CDK19: variants seen among roughly 807,000 people sequenced by gnomAD.
CDK19 encodes the protein cyclin-dependent kinase 19.
CDK19 carries 20 observed loss-of-function variants against 68.3 expected under a neutral mutation model. That is an observed-to-expected ratio of 0.29 (90% CI 0.21 to 0.43). The LOEUF (loss-of-function observed/expected upper bound fraction) is 0.43. CDK19 is among the 20% of genes least tolerant of loss of function. The pLI, the probability that CDK19 is intolerant of heterozygous loss-of-function variation, is 1.00. For missense variants in CDK19, 339 were observed against 623.5 expected, an observed-to-expected ratio of 0.54 and a Z score of 4.86; for synonymous variants, 221 against 222.8, an observed-to-expected ratio of 0.99 and a Z score of 0.07.
In CDK19 at chr6:110,610,641, T is replaced by G. The variant is rs1243539329; in HGVS notation, c.*3894A>C. 1 of 152,170 alleles carries G rather than the reference T, an allele frequency of 6.6e-6. No individual in the cohort carries two copies. The highest frequency in any genetic ancestry group is 1.5e-5 in the Non-Finnish European group (1 of 68,024). 9.4% of individuals were successfully genotyped at this position (152,170 alleles called of 1,614,324 possible). ...GATTATGGGGACCTAAACTGCTATG[T>G]TTTATACAAAATATTACTTGTACTT... On this transcript the variant is annotated 3_prime_UTR_variant, in exon 13 of 13. Transcript: ENST00000368911.
At chr6:110,654,819 T>G (rs1305263875) in intron 4 of CDK19, among the ~76,000 whole-genome samples, 3 of 152,042 alleles carry the variant, frequency 2.0e-5, no homozygotes, top group African/African-American at 2.4e-5. Flanking sequence ...CGCATGCCTG[T>G]AATCCCAGCT....
intron 2 of CDK19, among the ~76,000 whole-genome samples, chr6:110,683,701 C>CTTTT (rs200335188): frequency 3.9e-5 from 5 of 127,384 alleles, no homozygotes; most frequent in South Asian, 5.3e-4. Flanking sequence ...AGTATTTAAT[C>CTTTT]TTTTTTTTTT....
rs1266233923 is a variant in CDK19, at chr6:110,610,746, T to G, written c.*3789A>C. ...CCTAGGAAGACATCATCATAGAGTT[T>G]TGGATTTGTAATTTCCATAGAATTC... On this transcript the variant is annotated 3_prime_UTR_variant, in exon 13 of 13. Coordinates refer to ENST00000368911, the MANE Select transcript of CDK19 (RefSeq NM_015076.5). 6.6e-6 allele frequency: 1 copy of G among 152,224 alleles called. No individual in the cohort carries two copies. Among genetic ancestry groups the G allele is most frequent in the Non-Finnish European group, 1.5e-5 (1 of 68,040 alleles). 9.4% of individuals were successfully genotyped at this position (152,224 alleles called of 1,614,324 possible). A position where few individuals can be genotyped will look rare whatever the true frequency, so the allele number is the denominator to read the frequency against.
At chr6:110,692,617 C>T (rs1773105403) in intron 2 of CDK19, among the ~76,000 whole-genome samples, 1 of 152,038 alleles carries the variant, frequency 6.6e-6, no homozygotes, top group Non-Finnish European at 1.5e-5. Context: ...TTTAGATATA[C>T]AAATATAAGA....
intron 2 of CDK19, among the ~76,000 whole-genome samples, chr6:110,745,243 GAATT>G (rs1351806826): frequency 2.0e-5 from 3 of 151,974 alleles, no homozygotes; most frequent in Non-Finnish European, 4.4e-5. Context: ...AAAATTAAGT[GAATT>G]AATACTTGAA....
At chr6:110,814,409 C>A (rs1259633692) in intron 1 of CDK19, among the ~76,000 whole-genome samples, 1 of 152,254 alleles carries the variant, frequency 6.6e-6, no homozygotes, top group Non-Finnish European at 1.5e-5. Context: ...GCCGGGCATA[C>A]AACAGGGATG....
chr6:110,741,065 G>A (rs1351236110), intron 2 of CDK19, among the ~76,000 whole-genome samples: 1 of 152,170 alleles, frequency 6.6e-6, no homozygotes, highest in Admixed American at 6.6e-5. Context: ...GCCTTGGAGA[G>A]AGATCCATGG....
At chr6:110,737,405 A>T (rs541479168) in intron 2 of CDK19, among the ~76,000 whole-genome samples, 2 of 152,350 alleles carry the variant, frequency 1.3e-5, no homozygotes, top group Admixed American at 1.3e-4. Context: ...TCACCTTCTG[A>T]CAATACAAAA....
At chr6:110,701,916 G>A (rs1359127715) in intron 2 of CDK19, among the ~76,000 whole-genome samples, 1 of 152,122 alleles carries the variant, frequency 6.6e-6, no homozygotes, top group Non-Finnish European at 1.5e-5. Flanking sequence ...GCCGGGGCAG[G>A]TGGATCACAA....
At chr6:110,814,799 C>T (rs1212892067) in intron 1 of CDK19, 2 of 693,734 alleles carry the variant, frequency 2.9e-6, no homozygotes, top group South Asian at 1.5e-5. Context: ...GACCGGGCTG[C>T]GCCGCGGGAG....
intron 1 of CDK19, chr6:110,814,598 T>C: frequency 2.2e-6 from 1 of 461,650 alleles, no homozygotes; most frequent in African/African-American, 2.0e-5. Flanking sequence ...CTCAGCCGAT[T>C]GGAAGTTCCA....
chr6:110,761,518 G>A (rs904661206), intron 1 of CDK19, among the ~76,000 whole-genome samples: 3 of 152,196 alleles, frequency 2.0e-5, no homozygotes, highest in South Asian at 2.1e-4. Flanking sequence ...ACTGAGTTAA[G>A]AAGAGCAGAT....
Position 110,815,181 on chromosome 6 carries a change from G to A in CDK19, c.-45C>T, listed in dbSNP as rs1354239567. 17 of 1,541,806 alleles carry A rather than the reference G, an allele frequency of 1.1e-5. No individual in the cohort carries two copies. The highest frequency in any genetic ancestry group is 2.9e-5 in the African/African-American group (2 of 69,876). On this transcript the variant is annotated 5_prime_UTR_variant, in exon 1 of 13. Transcript: ENST00000368911. Reference sequence around the variant, plus strand: ...GGCACGGGACGCGGGGGCCGCCGCCGCTCAGTCCCTCCTCCTCCTCCCCCC... The same window carrying A: ...GGCACGGGACGCGGGGGCCGCCGCCACTCAGTCCCTCCTCCTCCTCCCCCC...
chr6:110,815,274 G>C lies in CDK19; in HGVS notation c.-138C>G. 1 of 1,016,716 alleles carries C rather than the reference G, an allele frequency of 9.8e-7. No homozygotes were observed. The highest frequency in any genetic ancestry group is 1.3e-6 in the Non-Finnish European group (1 of 771,184). The allele number at this position is 1,016,716 out of a possible 1,614,324, so 63.0% of individuals were successfully genotyped here. On this transcript the variant is annotated 5_prime_UTR_variant, in exon 1 of 13. Transcript: ENST00000368911. ...GCGCGCGCGCCGCCCGCCGCCCGCC[G>C]CTCCGCGGTCCGCCTTCAGCAAGGG...
At chr6:110,806,753 G>A (rs1401772612) in intron 1 of CDK19, among the ~76,000 whole-genome samples, 1 of 152,026 alleles carries the variant, frequency 6.6e-6, no homozygotes, top group Non-Finnish European at 1.5e-5. Flanking sequence ...TGAGGCAGAT[G>A]GATCACTTGA....
rs2114548520 is a variant in CDK19, at chr6:110,614,226, G to A, written c.*309C>T. 2 of 233,894 alleles carry A rather than the reference G, an allele frequency of 8.6e-6. No individual in the cohort carries two copies. The highest frequency in any genetic ancestry group is 1.7e-4 in the East Asian group (2 of 11,996). The allele number at this position is 233,894 out of a possible 1,614,324, so 14.5% of individuals were successfully genotyped here. ...GTGATTGCTACAGCATGAGAAAGGT[G>A]CACCAGGAAATCCTTCAAAGAAATG... On this transcript the variant is annotated 3_prime_UTR_variant, in exon 13 of 13. Coordinates refer to ENST00000368911, the MANE Select transcript of CDK19 (RefSeq NM_015076.5).
At chr6:110,620,307 T>C (rs1450797195) in intron 12 of CDK19, among the ~76,000 whole-genome samples, 1 of 152,190 alleles carries the variant, frequency 6.6e-6, no homozygotes, top group Non-Finnish European at 1.5e-5. Flanking sequence ...GCCAGAGGTT[T>C]TGTTTTCTAT....
intron 12 of CDK19, among the ~76,000 whole-genome samples, chr6:110,617,319 G>A (rs1354284741): frequency 6.6e-6 from 1 of 152,112 alleles, no homozygotes; most frequent in Non-Finnish European, 1.5e-5. Flanking sequence ...GTCCCAGAGG[G>A]GGTCCTGCCC....
intron 1 of CDK19, among the ~76,000 whole-genome samples, chr6:110,772,922 G>A (rs1780132467): frequency 6.7e-6 from 1 of 149,548 alleles, no homozygotes; most frequent in Non-Finnish European, 1.5e-5. Flanking sequence ...GACTCATTAA[G>A]AAGGTCTCCA....
Sources: gnomAD v4.1 joint callset for allele counts (sites outside exome capture counted in the v4.1 genomes callset) on GRCh38, gnomAD v4.1.1 for gene constraint, MANE v1.5 for transcripts, NCBI Gene and HGNC (gene_info 2026-07-23, HGNC 2026-07-21) for gene names.